The following MMP26 variants were observed in gnomAD, a reference collection of about 807,000 sequenced individuals.
MMP26 encodes the protein matrix metalloproteinase-26.
Under a neutral mutation model 31.0 loss-of-function variants are expected in MMP26, and 33 were observed. The ratio of observed to expected loss-of-function variants is 1.06; its 90% CI spans 0.81 to 1.42. MMP26 has a LOEUF of 1.42. Ranked by LOEUF, MMP26 falls within the 40% of genes most tolerant of loss-of-function variation. The pLI is 0.00. For missense variants in MMP26, 347 were observed against 316.1 expected (o/e 1.10, Z -0.74); for synonymous variants, 122 against 114.9 (o/e 1.06, Z -0.40).
intron 2 of MMP26, among the ~76,000 whole-genome samples, chr11:4,867,346 C>G (rs1228217042): frequency 6.6e-6 from 1 of 150,494 alleles, no homozygotes; most frequent in African/African-American, 2.4e-5. Flanking sequence ...CTCAACATCA[C>G]TGATCATTAG....
chr11:4,737,643 G>A (rs1848258874), intron 1 of MMP26, among the ~76,000 whole-genome samples: 1 of 149,978 alleles, frequency 6.7e-6, no homozygotes, highest in African/African-American at 2.5e-5. Context: ...AACTCTGTCT[G>A]AAACAAAACA....
At chr11:4,959,581 C>T (rs912815233) in intron 2 of MMP26, among the ~76,000 whole-genome samples, 6 of 152,168 alleles carry the variant, frequency 3.9e-5, no homozygotes, top group Non-Finnish European at 8.8e-5. Context: ...CCCCTGAACA[C>T]ACCAGAAAGC....
At chr11:4,943,367 T>C in intron 2 of MMP26, 2 of 376,674 alleles carry the variant, frequency 5.3e-6, no homozygotes, top group Non-Finnish European at 1.1e-5. Context: ...ACTGGTTTCC[T>C]TTCTGAGGAA....
intron 2 of MMP26, among the ~76,000 whole-genome samples, chr11:4,866,181 A>C (rs1258187549): frequency 2.0e-5 from 3 of 152,192 alleles, no homozygotes; most frequent in African/African-American, 7.2e-5. Flanking sequence ...ATCTGAAAGT[A>C]ATCAGTGGTT....
chr11:4,886,541 A>G (rs1169811383), intron 2 of MMP26, among the ~76,000 whole-genome samples: 1 of 151,832 alleles, frequency 6.6e-6, no homozygotes. Flanking sequence ...TATTCAGATA[A>G]CTAATTGTTT....
chr11:4,882,877 G>A, intron 2 of MMP26: 1 of 1,609,858 alleles, frequency 6.2e-7, no homozygotes, highest in Non-Finnish European at 8.5e-7. Context: ...GGGGAAGATG[G>A]GATTGAAGGT....
chr11:4,725,536 T>A (rs1180097937), intron 1 of MMP26, among the ~76,000 whole-genome samples: 1 of 152,246 alleles, frequency 6.6e-6, no homozygotes, highest in Non-Finnish European at 1.5e-5. Flanking sequence ...CTTTCTCTGA[T>A]GTCAGAAAAT....
chr11:4,745,892 TAGTA>T (rs2133296462), intron 1 of MMP26, among the ~76,000 whole-genome samples: 1 of 152,302 alleles, frequency 6.6e-6, no homozygotes, highest in Non-Finnish European at 1.5e-5. Context: ...TTCCACCTAG[TAGTA>T]AGTATTTAAG....
rs547257209 is a variant in MMP26, at chr11:4,905,961, AGCATTTATTTGACTAAATAT to A, written c.-144-82090_-144-82071del. Among the ~76,000 whole-genome samples, 70 of 152,288 alleles carry A rather than the reference AGCATTTATTTGACTAAATAT, an allele frequency of 4.6e-4. 2 individuals are homozygous for A. The South Asian group carries it at 0.013, about 27-fold the overall frequency. On this transcript the variant is annotated intron_variant, in intron 2 of 7. Transcript: ENST00000380390. ...TGGGTGGTTTGGATTTTTTTCATTT[AGCATTTATTTGACTAAATAT>A]GCATTTATTTGACTAATTTCTCTGA...
chr11:4,727,019 A>G (rs2133280423), intron 1 of MMP26, among the ~76,000 whole-genome samples: 1 of 152,298 alleles, frequency 6.6e-6, no homozygotes, highest in Admixed American at 6.5e-5. Context: ...TGTCTCTAAA[A>G]CAAAACAAAA....
At chr11:4,915,805 G>A in intron 2 of MMP26, 1 of 563,910 alleles carries the variant, frequency 1.8e-6, no homozygotes. Context: ...CTTTCTAGTG[G>A]TTATGTCTTT....
intron 2 of MMP26, among the ~76,000 whole-genome samples, chr11:4,797,919 CT>C (rs1025526494): frequency 3.7e-4 from 57 of 152,248 alleles, no homozygotes; most frequent in African/African-American, 1.2e-3. Context: ...CACTATTATA[CT>C]TTCTGAGTCA....
intron 2 of MMP26, among the ~76,000 whole-genome samples, chr11:4,859,332 A>G (rs554080849): frequency 4.6e-5 from 7 of 152,312 alleles, no homozygotes; most frequent in Admixed American, 1.3e-4. Flanking sequence ...GATAAATGTG[A>G]TAATTTGTTC....
intron 1 of MMP26, among the ~76,000 whole-genome samples, chr11:4,758,924 C>A (rs1848538031): frequency 6.6e-6 from 1 of 151,610 alleles, no homozygotes; most frequent in African/African-American, 2.4e-5. Context: ...CCAGCCTGAC[C>A]AACACAGAGA....
intron 2 of MMP26, among the ~76,000 whole-genome samples, chr11:4,797,421 A>G (rs1849123158): frequency 2.0e-5 from 3 of 152,182 alleles, no homozygotes; most frequent in Admixed American, 1.3e-4. Context: ...TTACTCATTC[A>G]TGAGTGGACT....
chr11:4,725,488 T>A (rs1046078439), intron 1 of MMP26, among the ~76,000 whole-genome samples: 7 of 152,246 alleles, frequency 4.6e-5, no homozygotes, highest in Non-Finnish European at 8.8e-5. Flanking sequence ...CAGCTTTTGT[T>A]GTCAGAGCCT....
In MMP26 at chr11:4,930,875, T is replaced by C. The variant is rs114782224; in HGVS notation, c.-144-57193T>C. Among the ~76,000 whole-genome samples, 492 of 152,086 alleles carry C rather than the reference T, an allele frequency of 3.2e-3. 6 individuals are homozygous for C. The highest frequency in any genetic ancestry group is 0.011 in the African/African-American group (474 of 41,526). On this transcript the variant is annotated intron_variant, in intron 2 of 7. Coordinates refer to ENST00000380390, the MANE Select transcript of MMP26 (RefSeq NM_021801.5). ...ATAAATAATATTTACATACATACTT[T>C]TATTTCTTTTTGCAGCGTTGTTCTC... is the stretch of plus-strand genomic sequence containing the variant.
At chr11:4,848,247 C>T (rs1400998162) in intron 2 of MMP26, 1 of 1,604,274 alleles carries the variant, frequency 6.2e-7, no homozygotes, top group African/African-American at 1.3e-5. Context: ...TCACTGAGCA[C>T]CACCCACCTT....
intron 1 of MMP26, chr11:4,709,565 C>T (rs913207277): frequency 7.8e-5 from 34 of 438,522 alleles, no homozygotes; most frequent in African/African-American, 6.3e-4. Context: ...CTTCTTCGCT[C>T]ATCATGCCAT....
Sources: allele counts gnomAD v4.1 joint callset (sites outside exome capture counted in the v4.1 genomes callset), GRCh38; gene constraint gnomAD v4.1.1; transcripts MANE v1.5; gene names NCBI Gene and HGNC (gene_info 2026-07-23, HGNC 2026-07-21).